Variants in GRIA4 observed in about 807,000 individuals in gnomAD.
The protein encoded by GRIA4 is glutamate receptor 4.
In GRIA4, 34 loss-of-function variants were observed where a neutral mutation model predicts 104.0. The observed-to-expected ratio is 0.33, with a 90% confidence interval of 0.25 to 0.44. The LOEUF (loss-of-function observed/expected upper bound fraction) is 0.44, where lower values mean the gene tolerates loss of function less well. GRIA4 is among the 20% of genes least tolerant of loss of function. The pLI is 1.00. For synonymous variants in GRIA4, 386 were observed against 381.9 expected (o/e 1.01, Z -0.13); for missense variants, 750 against 1,096.5 (o/e 0.68, Z 4.46).
At chr11:105,702,740 G>T (rs1477061511) in intron 3 of GRIA4, among the ~76,000 whole-genome samples, 1 of 129,106 alleles carries the variant, frequency 7.7e-6, no homozygotes, top group African/African-American at 2.9e-5. Context: ...TGTTACCCAG[G>T]CTGGAGTACA....
At chr11:105,703,507 G>A (rs1465553134) in intron 3 of GRIA4, among the ~76,000 whole-genome samples, 1 of 152,206 alleles carries the variant, frequency 6.6e-6, no homozygotes, top group East Asian at 1.9e-4. Context: ...ATCACATTAG[G>A]TGAAGTACAA....
At chr11:105,836,105 G>C (rs1213062632) in intron 4 of GRIA4, among the ~76,000 whole-genome samples, 1 of 152,030 alleles carries the variant, frequency 6.6e-6, no homozygotes, top group African/African-American at 2.4e-5. Flanking sequence ...AGGCCCCTAA[G>C]CTGGTAGAAA....
chr11:105,636,594 T>G (rs1951209008), intron 3 of GRIA4, among the ~76,000 whole-genome samples: 1 of 152,220 alleles, frequency 6.6e-6, no homozygotes, highest in African/African-American at 2.4e-5. Context: ...TTTTCCCTTG[T>G]GTTCCCAGGT....
chr11:105,897,344 A>G (rs1946686457), intron 6 of GRIA4, among the ~76,000 whole-genome samples: 2 of 152,114 alleles, frequency 1.3e-5, no homozygotes, highest in Non-Finnish European at 2.9e-5. Flanking sequence ...GTGTAGGATG[A>G]CATCATTAGT....
At position 105,926,941 on chromosome 11, in the gene GRIA4, T is replaced by C; in HGVS notation, c.2046+2T>C. 6.3e-7 allele frequency: 1 copy of C among 1,592,016 alleles called. No individual in the cohort carries two copies. Among genetic ancestry groups the C allele is most frequent in the Non-Finnish European group, 8.6e-7 (1 of 1,160,896 alleles). On this transcript the variant is annotated splice_donor_variant, in intron 13 of 16. Transcript: ENST00000282499. LOFTEE classifies it high-confidence loss of function. ...GGATCAACAAAAGAATTCTTCAGAGTAAGTTAAGGGAAAAACTAAAAATGA... is the reference window on the plus strand; with the variant it reads ...GGATCAACAAAAGAATTCTTCAGAGCAAGTTAAGGGAAAAACTAAAAATGA...
intron 4 of GRIA4, among the ~76,000 whole-genome samples, chr11:105,849,136 G>A (rs148859811): frequency 6.6e-6 from 1 of 152,234 alleles, no homozygotes; most frequent in East Asian, 1.9e-4. Flanking sequence ...AGGTTGCAGT[G>A]AGCCCAGATT....
chr11:105,799,199 A>G (rs1026468646), intron 4 of GRIA4, among the ~76,000 whole-genome samples: 6 of 152,138 alleles, frequency 3.9e-5, no homozygotes, highest in Admixed American at 3.3e-4. Context: ...TTTTAAGGGA[A>G]GAGTGATCAG....
intron 12 of GRIA4, 68 bp from the exon 13 acceptor site, chr11:105,926,673 C>T (rs990899661): frequency 2.0e-5 from 18 of 919,968 alleles, no homozygotes; most frequent in African/African-American, 1.1e-4. Flanking sequence ...GGTGAATTGA[C>T]GGTATTTCTT....
Position 105,980,512 on chromosome 11 carries a change from A to C in GRIA4, c.*773A>C, listed in dbSNP as rs1307315802. 1 of 152,548 alleles carries C rather than the reference A, an allele frequency of 6.6e-6. No homozygotes were observed. The highest frequency in any genetic ancestry group is 2.4e-5 in the African/African-American group (1 of 41,420). The allele number at this position is 152,548 out of a possible 1,614,324, so 9.4% of individuals were successfully genotyped here. Reference sequence around the variant, plus strand: ...TTCACTATGTCACATGAGTCGATTCACCGATTGCATTTGTCTCACAACCAG... The same window carrying C: ...TTCACTATGTCACATGAGTCGATTCCCCGATTGCATTTGTCTCACAACCAG... On this transcript the variant is annotated 3_prime_UTR_variant, in exon 17 of 17. Transcript: ENST00000282499.
Position 105,845,650 on chromosome 11 carries a change from G to A in GRIA4, c.488-16374G>A, listed in dbSNP as rs1179416120. 3.3e-5 allele frequency among the ~76,000 whole-genome samples: 5 copies of A among 152,186 alleles called. No individual in the cohort carries two copies. In the East Asian group the frequency reaches 7.7e-4, roughly 23 times the overall value. On this transcript the variant is annotated intron_variant, in intron 4 of 16. Transcript: ENST00000282499. ...GTAAGTCCCAGCACTTTGGGAGACC[G>A]AGGCGGGTAGATCGCGAGGTCAGGA...
At chr11:105,875,146 G>C (rs1280441573) in intron 5 of GRIA4, among the ~76,000 whole-genome samples, 2 of 152,048 alleles carry the variant, frequency 1.3e-5, no homozygotes, top group East Asian at 1.9e-4. Context: ...TTTACCGAAG[G>C]GCTTTTCTGC....
At chr11:105,644,451 A>C (rs2135361368) in intron 3 of GRIA4, among the ~76,000 whole-genome samples, 1 of 151,936 alleles carries the variant, frequency 6.6e-6, no homozygotes. Flanking sequence ...AAAAAAAAAA[A>C]AAATTAGCCT....
intron 3 of GRIA4, among the ~76,000 whole-genome samples, chr11:105,619,296 A>T (rs747676013): frequency 6.6e-6 from 1 of 152,002 alleles, no homozygotes; most frequent in Non-Finnish European, 1.5e-5. Context: ...TATATCACAC[A>T]TAAATTTTAT....
chr11:105,678,237 AT>A (rs1364028406), intron 3 of GRIA4, among the ~76,000 whole-genome samples: 1 of 152,116 alleles, frequency 6.6e-6, no homozygotes, highest in Non-Finnish European at 1.5e-5. Flanking sequence ...CTATGAGTGT[AT>A]GCAAAGTTGA....
At chr11:105,841,357 G>C (rs778978405) in intron 4 of GRIA4, among the ~76,000 whole-genome samples, 2 of 151,942 alleles carry the variant, frequency 1.3e-5, no homozygotes, top group African/African-American at 4.8e-5. Flanking sequence ...AGACACAAGC[G>C]CTGTTCTTTG....
At chr11:105,876,353 A>G (rs779854622) in intron 5 of GRIA4, among the ~76,000 whole-genome samples, 10 of 152,110 alleles carry the variant, frequency 6.6e-5, no homozygotes, top group Admixed American at 4.6e-4. Context: ...CAGTTTTAGA[A>G]TAAGTGTGAG....
At chr11:105,869,120 CCTCATTTTCTTAT>C in intron 5 of GRIA4, among the ~76,000 whole-genome samples, 1 of 152,032 alleles carries the variant, frequency 6.6e-6, no homozygotes, top group East Asian at 1.9e-4. Flanking sequence ...TGCAGCCATA[CCTCATTTTCTTAT>C]AAAGTAAAAA....
chr11:105,626,288 C>A (rs778551137), intron 3 of GRIA4, among the ~76,000 whole-genome samples: 6 of 151,896 alleles, frequency 4.0e-5, no homozygotes, highest in Non-Finnish European at 7.4e-5. Flanking sequence ...CACACATACA[C>A]CCTGCATTCA....
chr11:105,916,856 T>A (rs1187832958), intron 10 of GRIA4, among the ~76,000 whole-genome samples: 1 of 152,212 alleles, frequency 6.6e-6, no homozygotes, highest in African/African-American at 2.4e-5. Flanking sequence ...CACTTACAGA[T>A]AGTAGTTGTA....
Sources: allele counts gnomAD v4.1 joint callset (sites outside exome capture counted in the v4.1 genomes callset), GRCh38; gene constraint gnomAD v4.1.1; transcripts MANE v1.5; gene names NCBI Gene and HGNC (gene_info 2026-07-23, HGNC 2026-07-21).